Variants in PPP2R5C observed in about 807,000 individuals in gnomAD.
PPP2R5C encodes the protein serine/threonine-protein phosphatase 2A 56 kDa regulatory subunit gamma isoform.
In PPP2R5C, 7 loss-of-function variants were observed where a neutral mutation model predicts 68.9. The observed-to-expected ratio is 0.10, with a 90% confidence interval of 0.06 to 0.19. The LOEUF (loss-of-function observed/expected upper bound fraction) is 0.19. Ranked by LOEUF, PPP2R5C falls within the 10% of genes least tolerant of loss-of-function variation. The probability of loss-of-function intolerance (pLI) is 1.00; values close to 1 mark genes in which losing one functional copy is unlikely to be tolerated. For synonymous variants in PPP2R5C, 210 were observed against 222.2 expected (o/e 0.95, Z 0.49); for missense variants, 348 against 641.3 (o/e 0.54, Z 4.94).
At chr14:101,921,142 A>G in intron 13 of PPP2R5C, 1 of 215,354 alleles carries the variant, frequency 4.6e-6, no homozygotes, top group Non-Finnish European at 9.0e-6. Context: ...ATCTTGGCTC[A>G]CTGCAGCCTC....
intron 12 of PPP2R5C, among the ~76,000 whole-genome samples, chr14:101,914,914 GAC>G (rs2046579983): frequency 5.3e-5 from 8 of 152,208 alleles, no homozygotes; most frequent in Non-Finnish European, 7.3e-5. Flanking sequence ...ACTTCTGTGA[GAC>G]TCAGAGTAGC....
chr14:101,766,881 C>T (rs1179789420), intron 2 of PPP2R5C: 1 of 152,170 alleles, frequency 6.6e-6, no homozygotes, highest in Admixed American at 6.6e-5. Context: ...TAATAAATTG[C>T]TCTGAGTTTC....
chr14:101,842,847 G>A (rs1405562862), intron 1 of PPP2R5C, among the ~76,000 whole-genome samples: 4 of 147,336 alleles, frequency 2.7e-5, no homozygotes, highest in Non-Finnish European at 3.0e-5. Flanking sequence ...TCTGATCACC[G>A]CTACTACTAT....
At chr14:101,778,424 C>G (rs1375068213) in intron 2 of PPP2R5C, among the ~76,000 whole-genome samples, 1 of 152,146 alleles carries the variant, frequency 6.6e-6, no homozygotes, top group Non-Finnish European at 1.5e-5. Flanking sequence ...TCTGGTTTAT[C>G]TGTTTTCTTT....
In PPP2R5C at chr14:101,823,351, T is replaced by C. The variant is rs567653663; in HGVS notation, c.94+13315T>C. 6.6e-5 allele frequency among the ~76,000 whole-genome samples: 10 copies of C among 152,310 alleles called. No individual in the cohort carries two copies. In the East Asian group the frequency reaches 1.7e-3, roughly 26 times the overall value. On this transcript the variant is annotated intron_variant, in intron 1 of 13. Coordinates refer to ENST00000334743, the Ensembl canonical transcript of PPP2R5C. ...ATCAGCCGCCAATGTTTGATTTATTTTGTATTATCCGGTATTCCAAGCATT... is the reference window on the plus strand; with the variant it reads ...ATCAGCCGCCAATGTTTGATTTATTCTGTATTATCCGGTATTCCAAGCATT...
At position 101,878,252 on chromosome 14, in the gene PPP2R5C, G is replaced by A. The variant is rs183303685; in HGVS notation, c.295-3909G>A. Among the ~76,000 whole-genome samples the A allele has an allele frequency of 1.0e-3, 156 of 152,328 alleles. 1 individual carries two copies. The highest frequency in any genetic ancestry group is 3.4e-3 in the Middle Eastern group (1 of 294). On this transcript the variant is annotated intron_variant, in intron 2 of 13. Transcript: ENST00000334743. ...CCCATCTCCAAATCCAGCCACACCA[G>A]GGTTTAGGTCTTTAACATGAATGTG... is the stretch of plus-strand genomic sequence containing the variant.
intron 1 of PPP2R5C, among the ~76,000 whole-genome samples, chr14:101,826,057 A>G (rs369069190): frequency 7.9e-5 from 12 of 152,200 alleles, no homozygotes; most frequent in East Asian, 3.8e-4. Context: ...CCAAGCCTTT[A>G]TCATATATAT....
chr14:101,820,500 T>A (rs2039989088), intron 1 of PPP2R5C: 1 of 152,254 alleles, frequency 6.6e-6, no homozygotes, highest in Non-Finnish European at 1.5e-5. Flanking sequence ...GACAGGTTCA[T>A]CAACATGGTT....
intron 2 of PPP2R5C, among the ~76,000 whole-genome samples, chr14:101,872,048 G>T (rs2140787132): frequency 6.6e-6 from 1 of 151,940 alleles, no homozygotes; most frequent in Non-Finnish European, 1.5e-5. Context: ...TATTTACCCA[G>T]ATAGTTACAA....
chr14:101,765,515 A>C (rs959907543), intron 2 of PPP2R5C: 3 of 404,840 alleles, frequency 7.4e-6, no homozygotes, highest in African/African-American at 6.1e-5. Context: ...TAACTTGAAT[A>C]TTTTAACCTG....
intron 1 of PPP2R5C, among the ~76,000 whole-genome samples, chr14:101,840,032 A>G (rs748813675): frequency 5.3e-5 from 8 of 152,204 alleles, no homozygotes; most frequent in African/African-American, 9.7e-5. Context: ...ATGTTTACAT[A>G]TCACATTAGC....
intron 1 of PPP2R5C, among the ~76,000 whole-genome samples, chr14:101,823,463 C>A (rs1222165778): frequency 6.6e-6 from 1 of 152,158 alleles, no homozygotes; most frequent in Non-Finnish European, 1.5e-5. Context: ...CGGAGTAATT[C>A]GGTACCCTCT....
chr14:101,839,309 C>T (rs181118766), intron 1 of PPP2R5C: 43 of 152,208 alleles, frequency 2.8e-4, no homozygotes, highest in African/African-American at 1.0e-3. Flanking sequence ...AAGATCGCAC[C>T]ACTGCACTCC....
intron 1 of PPP2R5C, among the ~76,000 whole-genome samples, chr14:101,842,297 C>T (rs925084522): frequency 3.9e-5 from 6 of 152,160 alleles, no homozygotes; most frequent in African/African-American, 1.2e-4. Context: ...TTTGAGAAAG[C>T]GATCGAAAGC....
At chr14:101,809,449 A>G (rs529175537), upstream of PPP2R5C, among the ~76,000 whole-genome samples, 16 of 151,734 alleles carry the variant, frequency 1.1e-4, no homozygotes, top group Admixed American at 2.0e-4. Flanking sequence ...TAAGATGCAG[A>G]TATTAATTAG....
intron 1 of PPP2R5C, among the ~76,000 whole-genome samples, chr14:101,850,848 A>G (rs1239022156): frequency 6.6e-6 from 1 of 152,202 alleles, no homozygotes; most frequent in Non-Finnish European, 1.5e-5. Context: ...TTGGTGGGGG[A>G]AACTCATCCT....
At chr14:101,858,009 CTTG>C (rs1272874404) in intron 2 of PPP2R5C, among the ~76,000 whole-genome samples, 1 of 152,128 alleles carries the variant, frequency 6.6e-6, no homozygotes, top group African/African-American at 2.4e-5. Context: ...ATTGTTTTAA[CTTG>C]TTGTTTTTAA....
At chr14:101,774,717 CAGG>C (rs577663444) in intron 2 of PPP2R5C, among the ~76,000 whole-genome samples, 99 of 152,302 alleles carry the variant, frequency 6.5e-4, no homozygotes, top group African/African-American at 2.3e-3. Context: ...AAGGCAGGCT[CAGG>C]AGGTTTGCTG....
intron 9 of PPP2R5C, among the ~76,000 whole-genome samples, chr14:101,905,144 A>G (rs2045950564): frequency 6.6e-6 from 1 of 152,188 alleles, no homozygotes; most frequent in Non-Finnish European, 1.5e-5. Context: ...ACCTGAGGTC[A>G]GAAGCTCGAG....
Sources: allele counts gnomAD v4.1 joint callset (sites outside exome capture counted in the v4.1 genomes callset), GRCh38; gene constraint gnomAD v4.1.1; transcripts MANE v1.5; gene names NCBI Gene and HGNC (gene_info 2026-07-23, HGNC 2026-07-21).